Variants in LRRK1 observed in about 807,000 individuals in gnomAD.
LRRK1 encodes leucine-rich repeat serine/threonine-protein kinase 1.
LRRK1 carries 113 observed loss-of-function variants against 209.1 expected under a neutral mutation model. That is an observed-to-expected ratio of 0.54 (90% CI 0.46 to 0.63). The LOEUF (loss-of-function observed/expected upper bound fraction) is 0.63. LRRK1 is among the 30% of genes least tolerant of loss of function. The probability of loss-of-function intolerance (pLI) is 0.00; values close to 1 mark genes in which losing one functional copy is unlikely to be tolerated. For synonymous variants in LRRK1, 1,144 were observed against 1,099.7 expected, an observed-to-expected ratio of 1.04 and a Z score of -0.80; for missense variants, 2,284 against 2,632.2, an observed-to-expected ratio of 0.87 and a Z score of 2.89.
intron 4 of LRRK1, among the ~76,000 whole-genome samples, chr15:100,984,004 A>G (rs7176253): frequency 0.79 from 120,127 of 152,184 alleles, 48,022 homozygotes; most frequent in African/African-American, 0.92. Flanking sequence ...GGAAAAAATC[A>G]ATTGGAATGT....
chr15:100,936,908 T>A (rs536642357), intron 2 of LRRK1, among the ~76,000 whole-genome samples: 1 of 152,372 alleles, frequency 6.6e-6, no homozygotes, highest in East Asian at 1.9e-4. Context: ...ATTTTCATAC[T>A]ATGCCAGTCT....
intron 4 of LRRK1, among the ~76,000 whole-genome samples, chr15:100,984,617 G>A (rs913567800): frequency 2.0e-5 from 3 of 152,040 alleles, no homozygotes; most frequent in African/African-American, 4.8e-5. Flanking sequence ...TTCCCATAGC[G>A]ATATGCATTT....
intron 2 of LRRK1, among the ~76,000 whole-genome samples, chr15:100,952,532 G>A (rs560567714): frequency 4.6e-5 from 7 of 152,168 alleles, no homozygotes; most frequent in South Asian, 2.1e-4. Context: ...CGGGAGTAAC[G>A]GATCTGATCA....
intron 2 of LRRK1, among the ~76,000 whole-genome samples, chr15:100,958,306 C>G (rs1188218811): frequency 6.6e-6 from 1 of 152,162 alleles, no homozygotes; most frequent in African/African-American, 2.4e-5. Context: ...AACATGTATA[C>G]TGAATATTTA....
intron 24 of LRRK1, 133 bp downstream of exon 24, chr15:101,052,093 C>A: frequency 9.7e-7 from 1 of 1,033,522 alleles, no homozygotes; most frequent in Non-Finnish European, 1.4e-6. Flanking sequence ...TCCCACCAAT[C>A]TCAGTACCTT....
intron 20 of LRRK1, among the ~76,000 whole-genome samples, chr15:101,035,363 A>T (rs2034456510): frequency 6.6e-6 from 1 of 151,936 alleles, no homozygotes; most frequent in Admixed American, 6.5e-5. Context: ...ATATATATTG[A>T]TATTGTTATA....
intron 10 of LRRK1, among the ~76,000 whole-genome samples, chr15:101,012,589 G>A (rs965303410): frequency 1.1e-4 from 16 of 152,192 alleles, no homozygotes; most frequent in Admixed American, 6.5e-5. Flanking sequence ...CCCAGAAGGG[G>A]CCCCATCAGG....
At chr15:101,058,798 C>CT (rs1399713090) in intron 29 of LRRK1, among the ~76,000 whole-genome samples, 1 of 145,294 alleles carries the variant, frequency 6.9e-6, no homozygotes, top group Non-Finnish European at 1.5e-5. Context: ...AAAAAAAAAA[C>CT]TCAAGAGTTA....
At chr15:100,975,824 A>G (rs2141656022) in intron 3 of LRRK1, among the ~76,000 whole-genome samples, 1 of 152,354 alleles carries the variant, frequency 6.6e-6, no homozygotes, top group Admixed American at 6.5e-5. Context: ...AGTAGAAGCC[A>G]TGAAACTGTA....
At chr15:101,041,814 T>A (rs564423387) in intron 20 of LRRK1, among the ~76,000 whole-genome samples, 1 of 152,200 alleles carries the variant, frequency 6.6e-6, no homozygotes, top group African/African-American at 2.4e-5. Context: ...TACATACCTA[T>A]GATGAAGTTT....
rs549135818 is a variant in LRRK1, at chr15:100,984,342, C to T, written c.433+643C>T. 3.3e-5 allele frequency among the ~76,000 whole-genome samples: 5 copies of T among 152,330 alleles called. No homozygotes were observed. The South Asian group carries it at 6.2e-4, about 19-fold the overall frequency. Reference sequence around the variant, plus strand: ...CTTACTAACTAAAGTCCATCGCTTACGTTGCAATTCATTCTTGCTGTTGTA... The same window carrying T: ...CTTACTAACTAAAGTCCATCGCTTATGTTGCAATTCATTCTTGCTGTTGTA... On this transcript the variant is annotated intron_variant, in intron 4 of 33. Coordinates refer to ENST00000388948, the MANE Select transcript of LRRK1 (RefSeq NM_024652.6).
intron 2 of LRRK1, among the ~76,000 whole-genome samples, chr15:100,963,938 CA>C (rs1175348180): frequency 6.6e-6 from 1 of 152,164 alleles, no homozygotes; most frequent in Non-Finnish European, 1.5e-5. Context: ...AGCACTTTTC[CA>C]TGCAATTTTC....
rs1178957192 is a variant in LRRK1, at chr15:101,021,172, TACTTGGGAAAGTAAGTACAC to T, written c.1731_1739+11del. The T allele has an allele frequency of 1.9e-6, 3 of 1,614,032 alleles. No individual in the cohort carries two copies. Among genetic ancestry groups the T allele is most frequent in the Non-Finnish European group, 2.5e-6 (3 of 1,179,954 alleles). On this transcript the variant is annotated splice_donor_variant and splice_donor_5th_base_variant and coding_sequence_variant and intron_variant, in exon 13 of 34. Transcript: ENST00000388948. LOFTEE classifies it high-confidence loss of function. The stretch of plus-strand genomic sequence containing the variant: ...CCTACTGAAGAGCTTATCAGAGCTC[TACTTGGGAAAGTAAGTACAC>T]ATCTGGAGGGGCCGTGCTGGCTCTG...
In LRRK1 at chr15:101,073,866, C is replaced by T. The variant is rs1275684377; in HGVS notation, c.*5018C>T. 2 of 152,168 alleles carry T rather than the reference C, an allele frequency of 1.3e-5. No individual in the cohort carries two copies. Among genetic ancestry groups the T allele is most frequent in the Admixed American group, 6.5e-5 (1 of 15,280 alleles). 9.4% of individuals were successfully genotyped at this position (152,168 alleles called of 1,614,324 possible). On this transcript the variant is annotated 3_prime_UTR_variant, in exon 34 of 34. Transcript: ENST00000388948. Reference sequence around the variant, plus strand: ...TGTTCTCAAAAACTTAAAACCTCTTCAACTCACACCTGACCTAAAACCTAA... The same window carrying T: ...TGTTCTCAAAAACTTAAAACCTCTTTAACTCACACCTGACCTAAAACCTAA...
Position 100,941,016 on chromosome 15 carries a change from G to A in LRRK1, c.97+16287G>A, listed in dbSNP as rs1349291943. ...ACTCTGAGGCCCAAGGGGGACAGTGGTGAAATATGACACAGCTTCTCCCCT... is the reference window on the plus strand; with the variant it reads ...ACTCTGAGGCCCAAGGGGGACAGTGATGAAATATGACACAGCTTCTCCCCT... On this transcript the variant is annotated intron_variant, in intron 2 of 33. Coordinates refer to ENST00000388948, the MANE Select transcript of LRRK1 (RefSeq NM_024652.6). Among the ~76,000 whole-genome samples the A allele has an allele frequency of 2.6e-5, 4 of 152,186 alleles. No individual in the cohort carries two copies. In the South Asian group the frequency reaches 8.3e-4, roughly 32 times the overall value.
At chr15:100,955,717 AT>A (rs755683418) in intron 2 of LRRK1, among the ~76,000 whole-genome samples, 1 of 28,044 alleles carries the variant, frequency 3.6e-5, no homozygotes, top group African/African-American at 7.3e-5. Context: ...ATTTTTACTA[AT>A]GTTTTTTTCT....
rs527556780 is a variant in LRRK1, at chr15:101,054,058, A to C, written c.4054+638A>C. 2.6e-5 allele frequency among the ~76,000 whole-genome samples: 4 copies of C among 152,228 alleles called. No individual in the cohort carries two copies. In the East Asian group the frequency reaches 7.7e-4, roughly 29 times the overall value. ...CAGTGGTGCAATCTCAGCTCACTGCAGCTTTGACCTCCTGAACTCAAGCCA... is the reference window on the plus strand; with the variant it reads ...CAGTGGTGCAATCTCAGCTCACTGCCGCTTTGACCTCCTGAACTCAAGCCA... On this transcript the variant is annotated intron_variant, in intron 26 of 33. Coordinates refer to ENST00000388948, the MANE Select transcript of LRRK1 (RefSeq NM_024652.6).
In LRRK1 at chr15:100,972,363, A is replaced by AGAGTGTGT. The variant is rs1176201849; in HGVS notation, c.98-1440_98-1439insAGTGTGTG. Reference sequence around the variant, plus strand: ...GAGAGAGAGAGAGAGAGAGAGAGAGAGTGTGTGTGTGTGTGTGTGTGTGTG... The same window carrying AGAGTGTGT: ...GAGAGAGAGAGAGAGAGAGAGAGAGAGAGTGTGTGTGTGTGTGTGTGTGTGTGTGTGTG... On this transcript the variant is annotated intron_variant, in intron 2 of 33. Transcript: ENST00000388948. Among the ~76,000 whole-genome samples, 851 of 98,424 alleles carry AGAGTGTGT rather than the reference A, an allele frequency of 8.6e-3. 10 individuals carry two copies. The highest frequency in any genetic ancestry group is 0.039 in the African/African-American group (788 of 20,172). The allele number at this position is 98,424 out of a possible 152,430, so 64.6% of individuals were successfully genotyped here.
At chr15:101,029,622 CTT>C (rs2034195088) in intron 20 of LRRK1, among the ~76,000 whole-genome samples, 1 of 152,114 alleles carries the variant, frequency 6.6e-6, no homozygotes, top group African/African-American at 2.4e-5. Context: ...AATCCCAACT[CTT>C]TGGGAGGCCG....
Sources: allele counts gnomAD v4.1 joint callset (sites outside exome capture counted in the v4.1 genomes callset), GRCh38; gene constraint gnomAD v4.1.1; transcripts MANE v1.5; gene names NCBI Gene and HGNC (gene_info 2026-07-23, HGNC 2026-07-21).